The following CMIP variants were observed in gnomAD, a reference collection of about 807,000 sequenced individuals.
The protein encoded by CMIP is c-Maf inducing protein, also known as C-Maf-inducing protein.
A neutral mutation model predicts 97.3 loss-of-function variants in CMIP; 13 were observed. The observed-to-expected ratio is 0.13, with a 90% confidence interval of 0.09 to 0.21. The LOEUF is 0.21. CMIP is among the 10% of genes least tolerant of loss of function. The pLI is 1.00. For missense variants in CMIP, 847 were observed against 1,024.9 expected (o/e 0.83, Z 2.37); for synonymous variants, 538 against 436.3 (o/e 1.23, Z -2.91).
At chr16:81,506,641 T>C (rs542681884) in intron 1 of CMIP, among the ~76,000 whole-genome samples, 3 of 152,322 alleles carry the variant, frequency 2.0e-5, no homozygotes, top group South Asian at 2.1e-4. Flanking sequence ...GAGTTTGAAA[T>C]GGCTCACTCA....
chr16:81,653,391 CCTCA>C (rs2092450305), intron 4 of CMIP, among the ~76,000 whole-genome samples: 2 of 152,222 alleles, frequency 1.3e-5, no homozygotes, highest in South Asian at 4.1e-4. Flanking sequence ...AGAGAAGGTC[CCTCA>C]CTCCAGGAGG....
At chr16:81,657,599 T>G (rs551419324) in intron 4 of CMIP, among the ~76,000 whole-genome samples, 176 bp from the exon 5 acceptor site, 27 of 152,292 alleles carry the variant, frequency 1.8e-4, no homozygotes, top group African/African-American at 5.5e-4. Context: ...CTTCTCCCCC[T>G]TCCCGACCTT....
intron 1 of CMIP, among the ~76,000 whole-genome samples, chr16:81,582,051 G>A (rs981203369): frequency 1.3e-5 from 2 of 152,160 alleles, no homozygotes; most frequent in African/African-American, 2.4e-5. Context: ...AGGACGAAGA[G>A]AGCTGGCGGG....
At chr16:81,664,152 A>G (rs948973330) in intron 6 of CMIP, 117 bp from the exon 7 acceptor site, 15 of 884,134 alleles carry the variant, frequency 1.7e-5, no homozygotes, top group East Asian at 2.8e-5. Context: ...AGCCGTGTTC[A>G]TCAAGGGAAC....
intron 1 of CMIP, among the ~76,000 whole-genome samples, chr16:81,528,193 C>T (rs2090168074): frequency 6.6e-6 from 1 of 152,120 alleles, no homozygotes; most frequent in Non-Finnish European, 1.5e-5. Context: ...GAAAAATATC[C>T]TTCACATTCA....
chr16:81,568,044 T>TTG (rs2091015396), intron 1 of CMIP, among the ~76,000 whole-genome samples: 1 of 149,220 alleles, frequency 6.7e-6, no homozygotes, highest in Non-Finnish European at 1.5e-5. Context: ...TGTGTGTTTT[T>TTG]TTTTTTTTTT....
chr16:81,452,476 A>G (rs966868633), intron 1 of CMIP, among the ~76,000 whole-genome samples: 1 of 152,148 alleles, frequency 6.6e-6, no homozygotes, highest in African/African-American at 2.4e-5. Flanking sequence ...GGAGTGGACA[A>G]ACAACTAAGT....
At chr16:81,667,799 A>AGAGAGAGAGAGAGAGAGAGGGTGT in intron 7 of CMIP, among the ~76,000 whole-genome samples, 1 of 58,096 alleles carries the variant, frequency 1.7e-5, no homozygotes, top group African/African-American at 7.0e-5. Flanking sequence ...AGAGAGAGAG[A>AGAGAGAGAGAGAGAGAGAGGGTGT]GTGTGTGTGT....
Position 81,709,788 on chromosome 16 carries a change from G to A in CMIP, c.2311G>A (p.Glu771Lys), listed in dbSNP as rs1179955245. 6 of 1,613,768 alleles carry A rather than the reference G, an allele frequency of 3.7e-6. No homozygotes were observed. The highest frequency in any genetic ancestry group is 1.1e-5 in the South Asian group (1 of 91,058). Residue 771 changes from glutamate (E) to lysine (K), a missense_variant, in exon 21 of 21, where the codon GAA becomes AAA. Glu to Lys is a moderately conservative substitution (Grantham distance 56). Around this residue, in one of 4 missense-constraint regions of CMIP, gnomAD observed 266 missense variants for 384.2 expected, o/e 0.69. Transcript: ENST00000537098. ...NLKEVDVRYT[E>K]AW Reference sequence around the variant, plus strand: ...GAAGGAAGTGGACGTCCGCTACACCGAAGCCTGGTGAAGCTCCCAGCTCAA... The same window carrying A: ...GAAGGAAGTGGACGTCCGCTACACCAAAGCCTGGTGAAGCTCCCAGCTCAA...
chr16:81,517,124 C>G (rs4889328), intron 1 of CMIP, among the ~76,000 whole-genome samples: 23,381 of 136,850 alleles, frequency 0.17, 2,016 homozygotes, highest in East Asian at 0.3. Flanking sequence ...AGGTCTTCAG[C>G]GAAAAACCAG....
chr16:81,490,924 T>C (rs2089395485), intron 1 of CMIP, among the ~76,000 whole-genome samples: 3 of 152,280 alleles, frequency 2.0e-5, no homozygotes, highest in Admixed American at 6.5e-5. Context: ...CTAGTGATCC[T>C]AAGAGTTTCC....
At chr16:81,624,171 T>G (rs958596240) in intron 3 of CMIP, among the ~76,000 whole-genome samples, 46 of 152,156 alleles carry the variant, frequency 3.0e-4, no homozygotes, top group African/African-American at 1.1e-3. Context: ...TTGAGGACCT[T>G]TAGAAATTCC....
At chr16:81,623,972 C>T (rs564020150) in intron 3 of CMIP, among the ~76,000 whole-genome samples, 2 of 152,206 alleles carry the variant, frequency 1.3e-5, no homozygotes, top group Non-Finnish European at 2.9e-5. Flanking sequence ...CCGTGCTTTT[C>T]TCTGAGATTG....
intron 1 of CMIP, among the ~76,000 whole-genome samples, chr16:81,496,088 G>A (rs1241051399): frequency 1.3e-5 from 2 of 152,190 alleles, no homozygotes; most frequent in African/African-American, 4.8e-5. Context: ...ATCCAGGGTA[G>A]CAAGTGTAGT....
intron 8 of CMIP, among the ~76,000 whole-genome samples, chr16:81,670,772 C>A (rs957870049): frequency 1.3e-5 from 2 of 152,096 alleles, no homozygotes; most frequent in Non-Finnish European, 2.9e-5. Flanking sequence ...ATGGAGAATG[C>A]TGCGGAAGTC....
At chr16:81,512,004 A>T (rs993822146) in intron 1 of CMIP, among the ~76,000 whole-genome samples, 3 of 152,350 alleles carry the variant, frequency 2.0e-5, no homozygotes, top group Admixed American at 6.5e-5. Flanking sequence ...TATGAAAAAA[A>T]ATATACAGTA....
At chr16:81,484,321 A>G (rs552256292) in intron 1 of CMIP, among the ~76,000 whole-genome samples, 1 of 152,360 alleles carries the variant, frequency 6.6e-6, no homozygotes, top group East Asian at 1.9e-4. Context: ...CGGGAAGCCA[A>G]AACCGCCTGT....
At chr16:81,533,389 T>G (rs1406365452) in intron 1 of CMIP, among the ~76,000 whole-genome samples, 2 of 152,252 alleles carry the variant, frequency 1.3e-5, no homozygotes, top group Non-Finnish European at 2.9e-5. Context: ...GTTTGCCTGT[T>G]AAGTACATGG....
At chr16:81,702,703 G>C in intron 17 of CMIP, 34 bp downstream of exon 17, 2 of 1,601,082 alleles carry the variant, frequency 1.2e-6, no homozygotes, top group Non-Finnish European at 1.7e-6. Flanking sequence ...GGGCTGGATG[G>C]AGAAGGTGGG....
Sources: gnomAD v4.1 joint callset for allele counts (sites outside exome capture counted in the v4.1 genomes callset) on GRCh38, gnomAD v4.1.1 for gene constraint, gnomAD v4.1.1 regional missense constraint, MANE v1.5 for transcripts, NCBI Gene and HGNC (gene_info 2026-07-23, HGNC 2026-07-21) for gene names.